IPO11: variants seen among roughly 807,000 people sequenced by gnomAD.
IPO11 encodes importin 11.
A neutral mutation model predicts 143.2 loss-of-function variants in IPO11; 66 were observed. The ratio of observed to expected loss-of-function variants is 0.46; its 90% confidence interval spans 0.38 to 0.57. The LOEUF (loss-of-function observed/expected upper bound fraction) is 0.57, where lower values mean the gene tolerates loss of function less well. Ranked by LOEUF, IPO11 falls within the 20% of genes least tolerant of loss-of-function variation. The pLI, the probability that IPO11 is intolerant of heterozygous loss-of-function variation, is 0.00. For missense variants in IPO11, 1,026 were observed against 1,141.0 expected, an observed-to-expected ratio of 0.90 and a Z score of 1.45; for synonymous variants, 385 against 377.8, an observed-to-expected ratio of 1.02 and a Z score of -0.22.
intron 5 of IPO11, among the ~76,000 whole-genome samples, chr5:62,462,575 A>G (rs1745400185): frequency 6.6e-6 from 1 of 152,046 alleles, no homozygotes; most frequent in Admixed American, 6.6e-5. Flanking sequence ...TTGTCTCCCA[A>G]GCTAGAGTTC....
At chr5:62,429,587 CGTGTGTGT>C (rs56185914) in intron 1 of IPO11, among the ~76,000 whole-genome samples, 242 of 128,578 alleles carry the variant, frequency 1.9e-3, no homozygotes, top group Middle Eastern at 7.6e-3. Flanking sequence ...GTCTGATTTT[CGTGTGTGT>C]GTGTGTGTGT....
In IPO11 at chr5:62,537,223, T is replaced by G; in HGVS notation, c.2184T>G (p.Gly728=). 6.2e-7 allele frequency: 1 copy of G among 1,602,844 alleles called. No homozygotes were observed. Among genetic ancestry groups the G allele is most frequent in the Non-Finnish European group, 8.5e-7 (1 of 1,170,874 alleles). ...TTGAATTTCAGACATACGCAGTAGG[T>G]CTATGCCAGTCCTTTTGTGAACTTT... The part of the protein sequence containing the change: ...STEFLQTYAV[G]LCQSFCELLK... Residue 728 remains glycine (G), a synonymous_variant, in exon 24 of 30, where the codon GGT becomes GGG. Transcript: ENST00000325324.
intron 20 of IPO11, among the ~76,000 whole-genome samples, chr5:62,516,016 T>A (rs757272774): frequency 6.6e-6 from 1 of 152,178 alleles, no homozygotes; most frequent in Non-Finnish European, 1.5e-5. Flanking sequence ...ATAGTTCTTA[T>A]TTGAACTGTT....
intron 20 of IPO11, among the ~76,000 whole-genome samples, chr5:62,522,288 G>GTTTTTTTTT (rs111301961): frequency 8.6e-4 from 120 of 140,196 alleles, no homozygotes; most frequent in African/African-American, 3.0e-3. Flanking sequence ...ATTGTGGTGG[G>GTTTTTTTTT]TTTTTTTTTT....
intron 27 of IPO11, among the ~76,000 whole-genome samples, chr5:62,569,071 G>T (rs1209771977): frequency 1.3e-5 from 2 of 152,240 alleles, no homozygotes; most frequent in Non-Finnish European, 2.9e-5. Context: ...TCCCTCATAT[G>T]GAAGGAATTT....
At chr5:62,589,452 A>G (rs1580359170) in intron 27 of IPO11, among the ~76,000 whole-genome samples, 2 of 152,248 alleles carry the variant, frequency 1.3e-5, no homozygotes, top group East Asian at 1.9e-4. Flanking sequence ...CCCACCCAAG[A>G]TGAAACCCAA....
At chr5:62,588,745 T>C (rs1375413207) in intron 27 of IPO11, among the ~76,000 whole-genome samples, 2 of 152,192 alleles carry the variant, frequency 1.3e-5, no homozygotes, top group African/African-American at 4.8e-5. Flanking sequence ...TCCATATGTA[T>C]ATCTGCTTAG....
intron 26 of IPO11, among the ~76,000 whole-genome samples, chr5:62,554,460 C>T (rs969983091): frequency 6.6e-6 from 1 of 152,018 alleles, no homozygotes; most frequent in African/African-American, 2.4e-5. Context: ...ATGTATATCA[C>T]GAGAGGTAGG....
At chr5:62,430,727 G>A (rs1437033019) in intron 1 of IPO11, among the ~76,000 whole-genome samples, 1 of 150,278 alleles carries the variant, frequency 6.7e-6, no homozygotes, top group African/African-American at 2.5e-5. Context: ...CGCGAGGCTG[G>A]AGTGCAGTGG....
chr5:62,536,614 T>A, intron 22 of IPO11, 88 bp from the exon 23 acceptor site: 4 of 1,455,080 alleles, frequency 2.7e-6, no homozygotes, highest in Non-Finnish European at 3.7e-6. Flanking sequence ...TGCAAATTAG[T>A]TTTAAATAAC....
At chr5:62,497,069 T>C (rs1326272495) in intron 16 of IPO11, among the ~76,000 whole-genome samples, 3 of 152,232 alleles carry the variant, frequency 2.0e-5, no homozygotes, top group African/African-American at 7.2e-5. Context: ...AGAATCTGCA[T>C]TCTCTTTCCT....
intron 5 of IPO11, among the ~76,000 whole-genome samples, chr5:62,458,064 G>A (rs945061497): frequency 1.3e-5 from 2 of 150,612 alleles, no homozygotes; most frequent in Middle Eastern, 3.2e-3. Context: ...GGAGAATGGC[G>A]TGAATCGGGG....
intron 27 of IPO11, among the ~76,000 whole-genome samples, chr5:62,584,066 CA>C (rs1262142443): frequency 6.6e-6 from 1 of 152,078 alleles, no homozygotes; most frequent in Non-Finnish European, 1.5e-5. Flanking sequence ...CCCCTCATAA[CA>C]AATGACCAAT....
At chr5:62,430,904 C>T (rs1743962398) in intron 1 of IPO11, among the ~76,000 whole-genome samples, 1 of 151,902 alleles carries the variant, frequency 6.6e-6, no homozygotes, top group Admixed American at 6.6e-5. Flanking sequence ...TCTTGAACTC[C>T]TGACCTCAGG....
chr5:62,498,656 A>G (rs1390886918), intron 16 of IPO11, among the ~76,000 whole-genome samples: 2 of 152,310 alleles, frequency 1.3e-5, no homozygotes, highest in African/African-American at 4.8e-5. Flanking sequence ...TGAGAGGCCA[A>G]AGTGGGTGGA....
At chr5:62,470,978 C>T (rs969858846) in intron 7 of IPO11, among the ~76,000 whole-genome samples, 1 of 151,392 alleles carries the variant, frequency 6.6e-6, no homozygotes, top group African/African-American at 2.4e-5. Context: ...CAGGCATGCA[C>T]CACCATGCCC....
At chr5:62,522,700 C>A (rs1742243336) in intron 20 of IPO11, among the ~76,000 whole-genome samples, 1 of 152,204 alleles carries the variant, frequency 6.6e-6, no homozygotes. Flanking sequence ...CTACCTGTTA[C>A]ATGCTGATGT....
At chr5:62,560,915 T>G (rs1476152673) in intron 26 of IPO11, 1 of 349,336 alleles carries the variant, frequency 2.9e-6, no homozygotes, top group African/African-American at 2.1e-5. Flanking sequence ...ATGTTTTGAA[T>G]AAGTCTGCTT....
At chr5:62,490,462 A>C (rs1746564723) in intron 15 of IPO11, among the ~76,000 whole-genome samples, 1 of 152,172 alleles carries the variant, frequency 6.6e-6, no homozygotes, top group Non-Finnish European at 1.5e-5. Context: ...CTCTGAGTTC[A>C]AGAAACTATG....
Sources: allele counts gnomAD v4.1 joint callset (sites outside exome capture counted in the v4.1 genomes callset), GRCh38; gene constraint gnomAD v4.1.1; transcripts MANE v1.5; gene names NCBI Gene and HGNC (gene_info 2026-07-23, HGNC 2026-07-21).